TNRC6C: variants seen among roughly 807,000 people sequenced by gnomAD.
TNRC6C encodes the protein trinucleotide repeat containing adaptor 6C.
A neutral mutation model predicts 153.7 loss-of-function variants in TNRC6C; 20 were observed. The observed-to-expected ratio is 0.13, with a 90% CI of 0.09 to 0.19. The LOEUF (loss-of-function observed/expected upper bound fraction) is 0.19, where lower values mean the gene tolerates loss of function less well. TNRC6C is among the 10% of genes least tolerant of loss of function. The pLI, the probability that TNRC6C is intolerant of heterozygous loss-of-function variation, is 1.00. For synonymous variants in TNRC6C, 811 were observed against 841.4 expected (o/e 0.96, Z 0.63); for missense variants, 1,987 against 2,172.0 (o/e 0.91, Z 1.69).
At chr17:78,098,635 G>A (rs2144625657) in intron 17 of TNRC6C, 98 bp downstream of exon 20, 7 of 1,382,508 alleles carry the variant, frequency 5.1e-6, no homozygotes, top group Non-Finnish European at 6.8e-6. Context: ...ACCCCTGCCT[G>A]TAACTCTGGA....
chr17:78,050,934 T>C, exon 3 of TNRC6C: 1 of 1,613,696 alleles, frequency 6.2e-7, no homozygotes, highest in East Asian at 2.2e-5. Flanking sequence ...CTGACAGTAA[T>C]AGGTCAGGGT....
chr17:77,971,527 T>C (rs2070939762), intron 1 of TNRC6C, among the ~76,000 whole-genome samples: 1 of 152,140 alleles, frequency 6.6e-6, no homozygotes, highest in Middle Eastern at 3.2e-3. Flanking sequence ...TTAATGGGCA[T>C]TTCCACTGAA....
exon 20 of TNRC6C, chr17:78,108,112 C>G (rs2073736561): frequency 6.6e-6 from 1 of 152,238 alleles, no homozygotes; most frequent in Admixed American, 6.5e-5. Flanking sequence ...TGAAGACAAA[C>G]CGAGCACCCC....
exon 3 of TNRC6C, chr17:78,050,454 A>G (rs1226872100): frequency 1.2e-6 from 2 of 1,614,050 alleles, no homozygotes; most frequent in Admixed American, 1.7e-5. Flanking sequence ...AATTTGAAGA[A>G]TCCCCTAGGT....
At chr17:78,056,756 C>T (rs1237846411) in intron 3 of TNRC6C, among the ~76,000 whole-genome samples, 1 of 151,806 alleles carries the variant, frequency 6.6e-6, no homozygotes, top group South Asian at 2.1e-4. Flanking sequence ...TGAGCCACCA[C>T]GCCTGGCCCA....
chr17:77,977,540 GC>G (rs2071018188), intron 1 of TNRC6C, among the ~76,000 whole-genome samples: 1 of 152,166 alleles, frequency 6.6e-6, no homozygotes, highest in Non-Finnish European at 1.5e-5. Flanking sequence ...CATTTATTAA[GC>G]CCTAGCTATG....
At chr17:78,101,939 A>T (rs989481701) in intron 17 of TNRC6C, among the ~76,000 whole-genome samples, 1 of 141,320 alleles carries the variant, frequency 7.1e-6, no homozygotes, top group Non-Finnish European at 1.6e-5. Flanking sequence ...TTTTGGGGCC[A>T]GTTTAATGGC....
intron 1 of TNRC6C, among the ~76,000 whole-genome samples, chr17:78,013,012 T>C (rs1191652161): frequency 6.6e-6 from 1 of 152,204 alleles, no homozygotes; most frequent in African/African-American, 2.4e-5. Context: ...GCCCTAAGTT[T>C]GCTATGAAAG....
chr17:78,104,882 C>T lies in TNRC6C; in HGVS notation c.*37C>T. ...ATCAGCACCAGGAGAGCCGACCCCTCCCGGGACCCCTCCCGGCTGGGCGGC... is the reference window on the plus strand; with the variant it reads ...ATCAGCACCAGGAGAGCCGACCCCTTCCGGGACCCCTCCCGGCTGGGCGGC... On this transcript the variant is annotated 3_prime_UTR_variant, in exon 20 of 20. Coordinates refer to ENST00000301624, the Ensembl canonical transcript of TNRC6C. This position sits in a 1 kb window ranked among gnomAD's most constrained non-coding sequence, Gnocchi z 6.2. The T allele has an allele frequency of 7.2e-7, 1 of 1,385,272 alleles. No homozygotes were observed. The highest frequency in any genetic ancestry group is 2.9e-5 in the East Asian group (1 of 34,308). 85.8% of individuals were successfully genotyped at this position (1,385,272 alleles called of 1,614,324 possible).
At chr17:77,996,005 C>T (rs1036498758) in intron 1 of TNRC6C, among the ~76,000 whole-genome samples, 5 of 152,044 alleles carry the variant, frequency 3.3e-5, no homozygotes, top group Non-Finnish European at 5.9e-5. Flanking sequence ...CCCAGGAGTT[C>T]GAGGCTGCAG....
At chr17:78,044,235 C>G (rs1386799228) in intron 2 of TNRC6C, among the ~76,000 whole-genome samples, 1 of 152,186 alleles carries the variant, frequency 6.6e-6, no homozygotes, top group Non-Finnish European at 1.5e-5. Context: ...CAAGTAACTT[C>G]AGTTAAGTTG....
At chr17:77,984,778 C>T (rs1567901083) in intron 1 of TNRC6C, among the ~76,000 whole-genome samples, 1 of 152,226 alleles carries the variant, frequency 6.6e-6, no homozygotes. Flanking sequence ...GCCATGCCCT[C>T]TCCAGTCCTG....
intron 2 of TNRC6C, among the ~76,000 whole-genome samples, chr17:78,040,092 T>C (rs1173061570): frequency 1.3e-5 from 2 of 152,230 alleles, no homozygotes; most frequent in Non-Finnish European, 2.9e-5. Context: ...AAATGAAACA[T>C]TGGCCTTCTC....
upstream of TNRC6C, chr17:78,004,939 C>G: frequency 1.3e-6 from 1 of 784,740 alleles, no homozygotes. Context: ...TGGGCAAAAA[C>G]TCATTTTTAA....
Position 78,050,305 on chromosome 17 carries a change from G to C in TNRC6C, c.1243G>C (p.Gly415Arg), listed in dbSNP as rs549081839. Reference sequence around the variant, plus strand: ...CAATGAAGGAAGCACTGGGAGGGAAGGAACGGGAGAAGGCCGAAGGCGAGA... The same window carrying C: ...CAATGAAGGAAGCACTGGGAGGGAACGAACGGGAGAAGGCCGAAGGCGAGA... The change falls in exon 3 of 20, where the codon GGA becomes CGA. Residue 415 changes from glycine (G) to arginine (R), a missense_variant. Physicochemically the swap from Gly to Arg is moderately radical, Grantham distance 125. This residue lies in a region of TNRC6C where 1,052 missense variants were observed against 1,017.0 expected (regional missense o/e 1.03). Coordinates refer to ENST00000301624, the Ensembl canonical transcript of TNRC6C. 11 of 1,564,144 alleles carry C rather than the reference G, an allele frequency of 7.0e-6. No homozygotes were observed. The South Asian group carries it at 9.8e-5, about 14-fold the overall frequency.
In TNRC6C at chr17:77,997,582, G is replaced by C. The variant is rs943830383; in HGVS notation, c.-37-6588G>C. On this transcript the variant is annotated intron_variant, in intron 1 of 22. Coordinates refer to the TNRC6C transcript ENST00000636222. ...CACTTCTCATCAGGCCAGGAATCAG[G>C]GTGGAGCGGAGGCATGAGGGAAGGA... Among the ~76,000 whole-genome samples the C allele has an allele frequency of 5.9e-5, 9 of 152,012 alleles. No homozygotes were observed. In the East Asian group the frequency reaches 9.6e-4, roughly 16 times the overall value.
rs537700680 is a variant in TNRC6C at position 78,093,875 on chromosome 17, G to A, written c.4306+112G>A. The A allele has an allele frequency of 1.3e-5, 17 of 1,352,030 alleles. No homozygotes were observed. The South Asian group carries it at 2.6e-4, about 21-fold the overall frequency. 83.8% of individuals were successfully genotyped at this position (1,352,030 alleles called of 1,614,324 possible). On this transcript the variant is annotated intron_variant, in intron 16 of 19. Transcript: ENST00000301624. ...GCAGGGATGATACAAGGCACAGTTG[G>A]CGGGCACCTTTTCTAGTCACCTGAA...
chr17:78,091,296 A>T (rs1191752373), intron 13 of TNRC6C, 144 bp from the exon 16 acceptor site: 1 of 940,124 alleles, frequency 1.1e-6, no homozygotes, highest in Non-Finnish European at 1.4e-6. Flanking sequence ...ATTGCACTCC[A>T]GCCTGGGCAT....
intron 13 of TNRC6C, among the ~76,000 whole-genome samples, chr17:78,089,169 T>C (rs1335857498): frequency 1.3e-5 from 2 of 151,962 alleles, no homozygotes; most frequent in Non-Finnish European, 2.9e-5. Flanking sequence ...GGTTTCACCA[T>C]GTTGGCCAGG....
Sources: allele counts gnomAD v4.1 joint callset (sites outside exome capture counted in the v4.1 genomes callset), GRCh38; gene constraint gnomAD v4.1.1; regional missense constraint gnomAD v4.1.1; non-coding constraint Gnocchi (gnomAD v3.1); transcripts MANE v1.5; gene names NCBI Gene and HGNC (gene_info 2026-07-23, HGNC 2026-07-21).